The following C1GALT1 variants were observed in gnomAD, a reference collection of about 807,000 sequenced individuals.
The protein encoded by C1GALT1 is core 1 synthase, glycoprotein-N-acetylgalactosamine 3-beta-galactosyltransferase 1, also known as glycoprotein-N-acetylgalactosamine 3-beta-galactosyltransferase 1.
C1GALT1 carries 11 observed loss-of-function variants against 31.0 expected under a neutral mutation model. That is an observed-to-expected ratio of 0.36 (90% CI 0.22 to 0.59). The LOEUF (loss-of-function observed/expected upper bound fraction) is 0.59. Among genes scored for constraint, C1GALT1 ranks in the 20% least tolerant of loss-of-function variants. The pLI, the probability that C1GALT1 is intolerant of heterozygous loss-of-function variation, is 0.79. For synonymous variants in C1GALT1, 175 were observed against 143.6 expected (o/e 1.22, Z -1.56); for missense variants, 424 against 425.2 (o/e 1.00, Z 0.03).
chr7:7,171,572 C>T (rs1780454738), intron 2 of C1GALT1, among the ~76,000 whole-genome samples: 1 of 151,988 alleles, frequency 6.6e-6, no homozygotes, highest in Non-Finnish European at 1.5e-5. Flanking sequence ...TAGTTTAATC[C>T]ATTTATATCT....
chr7:7,162,772 A>AAC (rs1780349508), intron 2 of C1GALT1, among the ~76,000 whole-genome samples: 2 of 151,584 alleles, frequency 1.3e-5, no homozygotes, highest in East Asian at 2.0e-4. Flanking sequence ...TCCTCTCCGG[A>AAC]ACCTGTTGTT....
At chr7:7,192,672 T>C (rs1225026550) in intron 1 of C1GALT1, among the ~76,000 whole-genome samples, 3 of 152,164 alleles carry the variant, frequency 2.0e-5, no homozygotes, top group African/African-American at 4.8e-5. Context: ...AGATACCCAG[T>C]AGTGGGATTG....
Position 7,245,080 on chromosome 7 carries a change from C to T in C1GALT1, c.*1353C>T, listed in dbSNP as rs879508454. Reference sequence around the variant, plus strand: ...AATTTTTTATTTTTATTATCTTTAGCAGTACTGAGTGTCATAGCAGAATAT... The same window carrying T: ...AATTTTTTATTTTTATTATCTTTAGTAGTACTGAGTGTCATAGCAGAATAT... On this transcript the variant is annotated 3_prime_UTR_variant, in exon 4 of 4. Coordinates refer to ENST00000436587, the MANE Select transcript of C1GALT1 (RefSeq NM_020156.5). The T allele has an allele frequency of 6.6e-6, 1 of 152,184 alleles. No individual in the cohort carries two copies. The highest frequency in any genetic ancestry group is 1.5e-5 in the Non-Finnish European group (1 of 68,030). The allele number at this position is 152,184 out of a possible 1,614,324, so 9.4% of individuals were successfully genotyped here. A position where few individuals can be genotyped will look rare whatever the true frequency, so the allele number is the denominator to read the frequency against.
At chr7:7,198,688 A>T (rs112850545) in intron 1 of C1GALT1, among the ~76,000 whole-genome samples, 3 of 152,074 alleles carry the variant, frequency 2.0e-5, no homozygotes, top group African/African-American at 7.3e-5. Flanking sequence ...TTCATAGGCT[A>T]TTAATTATTG....
intron 2 of C1GALT1, among the ~76,000 whole-genome samples, chr7:7,159,361 G>A (rs1326836816): frequency 6.6e-6 from 1 of 151,944 alleles, no homozygotes. Flanking sequence ...TTGGAAAGAC[G>A]CGGGACAAAT....
chr7:7,223,133 C>T (rs995449320), intron 1 of C1GALT1, among the ~76,000 whole-genome samples: 25 of 152,106 alleles, frequency 1.6e-4, no homozygotes, highest in African/African-American at 5.8e-4. Flanking sequence ...AATAACATTT[C>T]TGCTTTGTTG....
chr7:7,190,733 C>G (rs1781033732), intron 1 of C1GALT1, among the ~76,000 whole-genome samples: 1 of 151,894 alleles, frequency 6.6e-6, no homozygotes, highest in Non-Finnish European at 1.5e-5. Context: ...TTTTTAAAAT[C>G]TTTTTTATAA....
intron 2 of C1GALT1, among the ~76,000 whole-genome samples, chr7:7,237,976 A>G (rs1458886560): frequency 6.6e-6 from 1 of 152,178 alleles, no homozygotes; most frequent in Non-Finnish European, 1.5e-5. Flanking sequence ...CTCCCAGGTG[A>G]TGCTGCTGCT....
chr7:7,215,521 G>A (rs77859437), intron 1 of C1GALT1, among the ~76,000 whole-genome samples: 5,649 of 152,102 alleles, frequency 0.037, 214 homozygotes, highest in African/African-American at 0.11. Context: ...TGGAAAATTA[G>A]CCTTTTTCAG....
chr7:7,160,367 T>C (rs982234835), intron 2 of C1GALT1, among the ~76,000 whole-genome samples: 2 of 152,144 alleles, frequency 1.3e-5, no homozygotes, highest in Admixed American at 6.6e-5. Context: ...ACTAATCAGG[T>C]ATATCCTTGA....
intron 1 of C1GALT1, among the ~76,000 whole-genome samples, chr7:7,208,282 T>A (rs1465664667): frequency 6.6e-6 from 1 of 152,204 alleles, no homozygotes; most frequent in African/African-American, 2.4e-5. Flanking sequence ...ATAGTGATGA[T>A]GGCATATTGT....
In C1GALT1 at chr7:7,246,903, ATTGGATCATTC is replaced by A; in HGVS notation, c.*3177_*3187del. ...AAATATAAAGATAACTTAAAGGATC[ATTGGATCATTC>A]ATTTTGGCCAAATTTTTAGCTTCTC... On this transcript the variant is annotated 3_prime_UTR_variant, in exon 4 of 4. Coordinates refer to ENST00000436587, the MANE Select transcript of C1GALT1 (RefSeq NM_020156.5). 6.6e-6 allele frequency: 1 copy of A among 152,320 alleles called. No individual in the cohort carries two copies. Among genetic ancestry groups the A allele is most frequent in the East Asian group, 1.9e-4 (1 of 5,190 alleles). The allele number at this position is 152,320 out of a possible 1,614,324, so 9.4% of individuals were successfully genotyped here. A position where few individuals can be genotyped will look rare whatever the true frequency, so the allele number is the denominator to read the frequency against.
intron 1 of C1GALT1, among the ~76,000 whole-genome samples, chr7:7,199,554 C>T (rs902688176): frequency 2.0e-5 from 3 of 152,094 alleles, no homozygotes; most frequent in African/African-American, 7.2e-5. Context: ...TCTATTAGGT[C>T]TGCTTGGTGC....
At chr7:7,198,008 C>G (rs2128234603) in intron 1 of C1GALT1, among the ~76,000 whole-genome samples, 1 of 152,246 alleles carries the variant, frequency 6.6e-6, no homozygotes, top group South Asian at 2.1e-4. Context: ...TCCTCTTTTC[C>G]TAATTGAATA....
chr7:7,209,271 G>T (rs1026764883), intron 1 of C1GALT1, among the ~76,000 whole-genome samples: 15 of 152,160 alleles, frequency 9.9e-5, no homozygotes, highest in African/African-American at 3.4e-4. Flanking sequence ...AAAAGTGATT[G>T]ACTTCACATA....
At chr7:7,236,356 C>T (rs768060399) in intron 2 of C1GALT1, among the ~76,000 whole-genome samples, 2 of 152,136 alleles carry the variant, frequency 1.3e-5, no homozygotes, top group Non-Finnish European at 2.9e-5. Context: ...GGGATTCCTG[C>T]ATTCACTGTT....
At position 7,182,778 on chromosome 7, in the gene C1GALT1, C is replaced by T. The variant is rs1780640041; in HGVS notation, c.-60C>T. Reference sequence around the variant, plus strand: ...CACCAGTCCCAAGTCGTCCCCCTCTCCGCCCCCCAGGAGGGGCGAGAGGGA... The same window carrying T: ...CACCAGTCCCAAGTCGTCCCCCTCTTCGCCCCCCAGGAGGGGCGAGAGGGA... On this transcript the variant is annotated 5_prime_UTR_variant, in exon 1 of 4. Coordinates refer to ENST00000436587, the MANE Select transcript of C1GALT1 (RefSeq NM_020156.5). 1.0e-6 allele frequency: 1 copy of T among 985,240 alleles called. No individual in the cohort carries two copies. Among genetic ancestry groups the T allele is most frequent in the Non-Finnish European group, 1.2e-6 (1 of 829,728 alleles). 61.0% of individuals were successfully genotyped at this position (985,240 alleles called of 1,614,324 possible).
intron 1 of C1GALT1, chr7:7,183,500 A>C (rs915377300): frequency 2.5e-6 from 2 of 792,496 alleles, no homozygotes; most frequent in South Asian, 5.7e-5. Flanking sequence ...AAAGGCATTA[A>C]ATTTTTTTTT....
intron 2 of C1GALT1, among the ~76,000 whole-genome samples, chr7:7,173,556 A>G (rs1004891519): frequency 6.6e-6 from 1 of 152,112 alleles, no homozygotes; most frequent in Admixed American, 6.6e-5. Flanking sequence ...TGTGTACCAC[A>G]GTTTATTTAT....
Sources: gnomAD v4.1 joint callset for allele counts (sites outside exome capture counted in the v4.1 genomes callset) on GRCh38, gnomAD v4.1.1 for gene constraint, MANE v1.5 for transcripts, NCBI Gene and HGNC (gene_info 2026-07-23, HGNC 2026-07-21) for gene names.